PKP4: variants seen among roughly 807,000 people sequenced by gnomAD.
The protein encoded by PKP4 is plakophilin 4.
In PKP4, 90 loss-of-function variants were observed where a neutral mutation model predicts 145.1. The ratio of observed to expected loss-of-function variants is 0.62; its 90% CI spans 0.52 to 0.74. PKP4 has a LOEUF of 0.74. Among genes scored for constraint, PKP4 ranks in the 30% least tolerant of loss-of-function variants. The pLI is 0.00. For missense variants in PKP4, 1,340 were observed against 1,482.7 expected (o/e 0.90, Z 1.58); for synonymous variants, 563 against 577.2 (o/e 0.98, Z 0.35).
chr2:158,544,032 T>G (rs982610801), intron 2 of PKP4, among the ~76,000 whole-genome samples: 6 of 152,206 alleles, frequency 3.9e-5, no homozygotes, highest in African/African-American at 1.4e-4. Flanking sequence ...GCTAAAGCTG[T>G]TGATAGTCAC....
chr2:158,528,446 A>G (rs1315613220), intron 1 of PKP4, among the ~76,000 whole-genome samples: 3 of 92,608 alleles, frequency 3.2e-5, no homozygotes, highest in Non-Finnish European at 6.1e-5. Context: ...ATGAGATCAC[A>G]TGGTCACAGG....
intron 4 of PKP4, among the ~76,000 whole-genome samples, chr2:158,607,277 A>G (rs1348776818): frequency 1.3e-5 from 2 of 152,014 alleles, no homozygotes; most frequent in East Asian, 1.9e-4. Context: ...TTTCTTTTCT[A>G]TTGGAGACTT....
intron 20 of PKP4, 43 bp from the exon 21 acceptor site, chr2:158,678,538 G>GTAAT (rs1168833242): frequency 1.5e-6 from 2 of 1,378,970 alleles, no homozygotes; most frequent in East Asian, 2.3e-5. Context: ...ATGGACCAGA[G>GTAAT]TAATAAGCAC....
In PKP4 at chr2:158,669,729, C is replaced by A; in HGVS notation, c.2738C>A (p.Ala913Asp). The A allele has an allele frequency of 6.4e-7, 1 of 1,574,308 alleles. No homozygotes were observed. Among genetic ancestry groups the A allele is most frequent in the Non-Finnish European group, 8.6e-7 (1 of 1,156,252 alleles). Residue 913 changes from alanine (A) to aspartate (D), a missense_variant, in exon 17 of 22, where the codon GCC becomes GAC. Ala to Asp is a moderately radical substitution (Grantham distance 126). Coordinates refer to ENST00000389759, the MANE Select transcript of PKP4 (RefSeq NM_003628.6). ...CTTTTGCCGTTGGCAGGCAAATACG[C>A]CATGCGAGACCTGGTCAACCGGCTC... ...VRNKELIGKYAMRDLVNRLPG... is the reference protein window; with the variant it reads ...VRNKELIGKYDMRDLVNRLPG...
chr2:158,590,192 G>A (rs1177927101), intron 3 of PKP4, among the ~76,000 whole-genome samples: 1 of 151,994 alleles, frequency 6.6e-6, no homozygotes, highest in Non-Finnish European at 1.5e-5. Context: ...AGGAAAAAGT[G>A]TGTAGACTAC....
intron 2 of PKP4, among the ~76,000 whole-genome samples, chr2:158,546,871 A>T (rs1451759376): frequency 6.6e-6 from 1 of 152,200 alleles, no homozygotes; most frequent in African/African-American, 2.4e-5. Context: ...CCTCTTTTTT[A>T]TGCAGTAAGA....
chr2:158,501,602 C>T (rs992941540), intron 1 of PKP4, among the ~76,000 whole-genome samples: 8 of 144,718 alleles, frequency 5.5e-5, no homozygotes, highest in Non-Finnish European at 1.2e-4. Flanking sequence ...GGCTGTAGTG[C>T]CAGTGAACTG....
rs775440760 is a variant in PKP4 at position 158,621,275 on chromosome 2, T to C, written c.457T>C (p.Ser153Pro). The part of the protein sequence containing the change: ...SRSSTQMNSY[S>P]DSGYQEAGSF... ...AAGTTCAACACAAATGAATTCTTAT[T>C]CCGACAGTGGATACCAGGAAGCAGG... The change falls in exon 6 of 22, where the codon TCC becomes CCC. Residue 153 changes from serine (S) to proline (P), a missense_variant. Ser to Pro is a moderately conservative substitution (Grantham distance 74, BLOSUM62 -1). Transcript: ENST00000389759. 1 of 1,614,198 alleles carries C rather than the reference T, an allele frequency of 6.2e-7. No individual in the cohort carries two copies. The highest frequency in any genetic ancestry group is 1.7e-5 in the Admixed American group (1 of 60,028).
chr2:158,507,362 A>G (rs988948860), intron 1 of PKP4, among the ~76,000 whole-genome samples: 11 of 152,242 alleles, frequency 7.2e-5, no homozygotes, highest in African/African-American at 2.7e-4. Flanking sequence ...GTAGCTGCCC[A>G]TGGCAGCTGT....
chr2:158,523,390 A>C (rs890500591), intron 1 of PKP4, among the ~76,000 whole-genome samples: 4 of 109,604 alleles, frequency 3.6e-5, no homozygotes, highest in African/African-American at 1.4e-4. Context: ...CTCACACGGC[A>C]GGGTATTCCA....
chr2:158,601,716 C>A (rs1206434688), intron 3 of PKP4, among the ~76,000 whole-genome samples: 1 of 152,088 alleles, frequency 6.6e-6, no homozygotes, highest in Non-Finnish European at 1.5e-5. Flanking sequence ...GTTCAGTGGT[C>A]CTGGAATGTG....
rs1200310676 is a variant in PKP4, at chr2:158,667,178, C to T, written c.2728+615C>T. Among the ~76,000 whole-genome samples, 5 of 152,326 alleles carry T rather than the reference C, an allele frequency of 3.3e-5. No homozygotes were observed. In the South Asian group the frequency reaches 6.2e-4, roughly 19 times the overall value. On this transcript the variant is annotated intron_variant, in intron 16 of 21. Coordinates refer to ENST00000389759, the MANE Select transcript of PKP4 (RefSeq NM_003628.6). ...AGTGAGGACCTCTGTACGCTCCGCA[C>T]CCCAGGCAGCTTGCTTGCCTCTGCG...
intron 2 of PKP4, among the ~76,000 whole-genome samples, chr2:158,550,885 G>A (rs944441613): frequency 7.2e-5 from 11 of 152,260 alleles, no homozygotes; most frequent in South Asian, 4.1e-4. Context: ...GTGCCCTTCC[G>A]GGAATTTACA....
At chr2:158,471,636 C>A (rs1213939538) in intron 1 of PKP4, among the ~76,000 whole-genome samples, 1 of 152,218 alleles carries the variant, frequency 6.6e-6, no homozygotes, top group Non-Finnish European at 1.5e-5. Flanking sequence ...TTGACATAAG[C>A]AGTATCATCC....
chr2:158,506,836 G>A (rs1273204220), intron 1 of PKP4, among the ~76,000 whole-genome samples: 1 of 152,162 alleles, frequency 6.6e-6, no homozygotes, highest in East Asian at 1.9e-4. Flanking sequence ...GTGTTCATAC[G>A]ACATTTTGCC....
intron 1 of PKP4, among the ~76,000 whole-genome samples, chr2:158,466,678 C>T (rs1281073787): frequency 6.6e-6 from 1 of 152,166 alleles, no homozygotes; most frequent in African/African-American, 2.4e-5. Context: ...GCACTCCAGC[C>T]TGGGTGACAG....
intron 17 of PKP4, among the ~76,000 whole-genome samples, chr2:158,671,271 A>G (rs1575109274): frequency 2.0e-5 from 3 of 151,950 alleles, no homozygotes; most frequent in Admixed American, 2.0e-4. Flanking sequence ...CTAAAACCAT[A>G]TTCTCATCTC....
rs765713414 is a variant in PKP4, at chr2:158,673,953, C to A, written c.3080C>A (p.Pro1027His). 1 of 1,612,808 alleles carries A rather than the reference C, an allele frequency of 6.2e-7. No individual in the cohort carries two copies. The highest frequency in any genetic ancestry group is 1.1e-5 in the South Asian group (1 of 91,048). ...TLERDRFKSH[P>H]SLSTTNQQMS... is the part of the protein sequence containing the mutation. ...GAGCGAGACCGATTCAAATCACATC[C>A]TTCCTTGTCTACCACCAACCAACAG... The change falls in exon 19 of 22, where the codon CCT (proline) becomes CAT (histidine). Residue 1027 changes from proline to histidine, a missense_variant. Transcript: ENST00000389759.
At chr2:158,504,687 C>G (rs1360753210) in intron 1 of PKP4, among the ~76,000 whole-genome samples, 1 of 151,344 alleles carries the variant, frequency 6.6e-6, no homozygotes, top group Non-Finnish European at 1.5e-5. Flanking sequence ...AAAAAAAAAC[C>G]AACTTTATTA....
Sources: allele counts gnomAD v4.1 joint callset (sites outside exome capture counted in the v4.1 genomes callset), GRCh38; gene constraint gnomAD v4.1.1; transcripts MANE v1.5; gene names NCBI Gene and HGNC (gene_info 2026-07-23, HGNC 2026-07-21).